The following EIF4A2 variants were observed in gnomAD, a reference collection of about 807,000 sequenced individuals.
The protein encoded by EIF4A2 is eukaryotic translation initiation factor 4A2.
A neutral mutation model predicts 50.6 loss-of-function variants in EIF4A2; 9 were observed. The observed-to-expected ratio is 0.18, with a 90% CI of 0.11 to 0.31. The LOEUF (loss-of-function observed/expected upper bound fraction) is 0.31, where lower values mean the gene tolerates loss of function less well. Ranked by LOEUF, EIF4A2 falls within the 10% of genes least tolerant of loss-of-function variation. The pLI is 1.00. For synonymous variants in EIF4A2, 215 were observed against 164.4 expected, an observed-to-expected ratio of 1.31 and a Z score of -2.35; for missense variants, 182 against 501.8, an observed-to-expected ratio of 0.36 and a Z score of 6.09.
chr3:186,784,077 G>T (rs1301436834), intron 1 of EIF4A2: 7 of 464,060 alleles, frequency 1.5e-5, no homozygotes, highest in Non-Finnish European at 2.7e-5. Flanking sequence ...GAGGCGACGG[G>T]ACAGGACCGG....
intron 1 of EIF4A2, 121 bp from the exon 2 acceptor site, chr3:186,784,311 T>A: frequency 7.0e-7 from 1 of 1,424,154 alleles, no homozygotes; most frequent in Non-Finnish European, 9.8e-7. Context: ...GCCCTGAGGC[T>A]GCTGCTTTAG....
At chr3:186,787,017 CAAAGGGCTGGGATTACAGGCATTAG>C (rs138324811) in intron 7 of EIF4A2, 85 bp from the exon 8 acceptor site, 15,744 of 1,480,212 alleles carry the variant, frequency 0.011, 293 homozygotes, top group East Asian at 0.082. Context: ...GCTAGGATCC[CAAAGGGCTGGGATTACAGGCATTAG>C]CACTGTGGCT....
At chr3:186,785,662 CGTGG>C (rs1721657820) in intron 4 of EIF4A2, 2 of 507,948 alleles carry the variant, frequency 3.9e-6, no homozygotes, top group East Asian at 5.9e-5. Flanking sequence ...CTAGCTGATG[CGTGG>C]AGCAGCAGCA....
In EIF4A2 at chr3:186,787,186, T is replaced by A. The variant is rs1298524489; in HGVS notation, c.831T>A (p.Val277=). ...LYETLTITQA[V]IFLNTRRKVD... The stretch of plus-strand genomic sequence containing the variant: ...AGACACTGACCATTACACAGGCTGT[T>A]ATTTTTCTCAATACGAGGCGCAAGG... Residue 277 remains valine, a synonymous_variant, in exon 8 of 11, where the codon GTT becomes GTA. Coordinates refer to ENST00000323963, the MANE Select transcript of EIF4A2 (RefSeq NM_001967.4). 3 of 1,614,152 alleles carry A rather than the reference T, an allele frequency of 1.9e-6. No homozygotes were observed. Among genetic ancestry groups the A allele is most frequent in the Non-Finnish European group, 2.5e-6 (3 of 1,179,992 alleles).
In EIF4A2 at chr3:186,789,810, A is replaced by AAATCCCC; in HGVS notation, c.*541_*542insAATCCCC. 1 of 604,116 alleles carries AAATCCCC rather than the reference A, an allele frequency of 1.7e-6. No individual in the cohort carries two copies. The highest frequency in any genetic ancestry group is 2.1e-5 in the South Asian group (1 of 48,542). 37.4% of individuals were successfully genotyped at this position (604,116 alleles called of 1,614,324 possible). A position where few individuals can be genotyped will look rare whatever the true frequency, so the allele number is the denominator to read the frequency against. Reference sequence around the variant, plus strand: ...TTGCTAAGCCCCAGCAAGCAATCCTAGGTAGGGTTTAATCCCCAGTAAAAT... The same window carrying AAATCCCC: ...TTGCTAAGCCCCAGCAAGCAATCCTAAATCCCCGGTAGGGTTTAATCCCCAGTAAAAT... On this transcript the variant is annotated 3_prime_UTR_variant, in exon 11 of 11. Coordinates refer to ENST00000323963, the MANE Select transcript of EIF4A2 (RefSeq NM_001967.4).
chr3:186,789,886 A>G lies in EIF4A2; in HGVS notation c.*617A>G, dbSNP rs569967330. 55 of 852,680 alleles carry G rather than the reference A, an allele frequency of 6.5e-5. No homozygotes were observed. In the African/African-American group the frequency reaches 8.0e-4, roughly 12 times the overall value. The allele number at this position is 852,680 out of a possible 1,614,324, so 52.8% of individuals were successfully genotyped here. A position where few individuals can be genotyped will look rare whatever the true frequency, so the allele number is the denominator to read the frequency against. ...AGTTTGAATGTTAAATAAATTGTAT[A>G]TTCACTTTAAAGGTGCTTTTGGTCA... is the stretch of plus-strand genomic sequence containing the variant. On this transcript the variant is annotated 3_prime_UTR_variant, in exon 11 of 11. Coordinates refer to ENST00000323963, the MANE Select transcript of EIF4A2 (RefSeq NM_001967.4).
intron 1 of EIF4A2, 143 bp from the exon 2 acceptor site, chr3:186,784,289 G>GT: frequency 8.2e-7 from 1 of 1,218,550 alleles, no homozygotes; most frequent in Non-Finnish European, 1.2e-6. Context: ...AAGGCGCACA[G>GT]TGTGGATATT....
intron 10 of EIF4A2, 163 bp from the exon 11 acceptor site, chr3:186,788,962 G>A (rs955747918): frequency 1.2e-5 from 12 of 1,026,482 alleles, no homozygotes; most frequent in Non-Finnish European, 1.5e-5. Context: ...TGCAAAGGAA[G>A]ATTTTTTTCT....
rs192826895 is a variant in EIF4A2, at chr3:186,788,924, A to G, written c.1080-201A>G. 3.8e-5 allele frequency: 23 copies of G among 608,800 alleles called. No homozygotes were observed. The Admixed American group carries it at 7.1e-4, about 19-fold the overall frequency. 37.7% of individuals were successfully genotyped at this position (608,800 alleles called of 1,614,324 possible). A position where few individuals can be genotyped will look rare whatever the true frequency, so the allele number is the denominator to read the frequency against. The stretch of plus-strand genomic sequence containing the variant: ...GATAAAAATCTCATTTTGCAGCCAG[A>G]CAAGCCTTGAATCCTTTTGGCACTA... On this transcript the variant is annotated intron_variant, in intron 10 of 10. Coordinates refer to ENST00000323963, the MANE Select transcript of EIF4A2 (RefSeq NM_001967.4).
rs756744900 is a variant in EIF4A2 at position 186,785,865 on chromosome 3, T to C, written c.349-18T>C. 7 of 1,581,200 alleles carry C rather than the reference T, an allele frequency of 4.4e-6. No individual in the cohort carries two copies. The highest frequency in any genetic ancestry group is 3.5e-5 in the Admixed American group (2 of 57,656). ...ATCCTGGAGTTCTGCGGAATAATAA[T>C]TAAGGCTTGGGTTTTAGATCCAAAA... On this transcript the variant is annotated intron_variant, in intron 4 of 10. Transcript: ENST00000323963.
intron 4 of EIF4A2, 159 bp downstream of exon 4, chr3:186,785,260 AC>A: frequency 6.8e-6 from 7 of 1,033,976 alleles, no homozygotes; most frequent in Non-Finnish European, 9.7e-6. Context: ...TTTTAAAAGA[AC>A]TGGGTATGCA....
At position 186,783,580 on chromosome 3, in the gene EIF4A2, T is replaced by C. The variant is rs773884804; in HGVS notation, c.-31T>C. Reference sequence around the variant, plus strand: ...ACGGGTGGTTGGGCGCCGCTGTCTTTTCAGTCGGGCGCTGAGTGGTTTTTC... The same window carrying C: ...ACGGGTGGTTGGGCGCCGCTGTCTTCTCAGTCGGGCGCTGAGTGGTTTTTC... On this transcript the variant is annotated 5_prime_UTR_variant, in exon 1 of 11. Transcript: ENST00000323963. The C allele has an allele frequency of 7.4e-6, 12 of 1,614,086 alleles. No homozygotes were observed. Among genetic ancestry groups the C allele is most frequent in the Middle Eastern group, 1.6e-4 (1 of 6,080 alleles).
intron 1 of EIF4A2, 143 bp from the exon 2 acceptor site, chr3:186,784,289 G>A: frequency 8.2e-7 from 1 of 1,218,550 alleles, no homozygotes; most frequent in East Asian, 2.4e-5. Flanking sequence ...AAGGCGCACA[G>A]TGTGGATATT....
chr3:186,785,777 A>C, intron 4 of EIF4A2, 106 bp from the exon 5 acceptor site: 1 of 1,403,404 alleles, frequency 7.1e-7, no homozygotes, highest in Non-Finnish European at 9.6e-7. Flanking sequence ...TGTGCTGTGC[A>C]TGCATAAAAG....
At position 186,786,996 on chromosome 3, in the gene EIF4A2, G is replaced by A. The variant is rs533235495; in HGVS notation, c.772-131G>A. ...GAAACCCTGGTCTGGTTGGAACTCT[G>A]GGCTCTAAGTGCTAGGATCCCAAAG... On this transcript the variant is annotated intron_variant, in intron 7 of 10. Coordinates refer to ENST00000323963, the MANE Select transcript of EIF4A2 (RefSeq NM_001967.4). 3 of 1,338,468 alleles carry A rather than the reference G, an allele frequency of 2.2e-6. No individual in the cohort carries two copies. The East Asian group carries it at 6.9e-5, about 31-fold the overall frequency. The allele number at this position is 1,338,468 out of a possible 1,614,324, so 82.9% of individuals were successfully genotyped here.
chr3:186,785,641 T>C (rs757927015), intron 4 of EIF4A2: 9 of 477,012 alleles, frequency 1.9e-5, no homozygotes, highest in Non-Finnish European at 3.0e-5. Context: ...GAAACGTTAT[T>C]CTTGGATTGT....
At chr3:186,786,686 T>G (rs1344604555) in intron 7 of EIF4A2, 41 bp downstream of exon 7, 1 of 1,611,554 alleles carries the variant, frequency 6.2e-7, no homozygotes, top group African/African-American at 1.4e-5. Flanking sequence ...CCTTCTTGTA[T>G]AAGCACTGTG....
chr3:186,788,429 ATTTG>A (rs1457172934), intron 10 of EIF4A2: 6 of 1,240,846 alleles, frequency 4.8e-6, no homozygotes, highest in African/African-American at 1.6e-5. Flanking sequence ...CGGTATTTAT[ATTTG>A]TTTTTCTTTT....
At position 186,787,591 on chromosome 3, in the gene EIF4A2, C is replaced by G; in HGVS notation, c.999+7C>G. ...GATCACTACTGACTTGTTGGTAAGTCTCTTAATGCTTTTTAAAAATCTACC... is the reference window on the plus strand; with the variant it reads ...GATCACTACTGACTTGTTGGTAAGTGTCTTAATGCTTTTTAAAAATCTACC... On this transcript the variant is annotated splice_region_variant and intron_variant, in intron 9 of 10. Transcript: ENST00000323963. The G allele has an allele frequency of 6.2e-7, 1 of 1,613,920 alleles. No homozygotes were observed. The highest frequency in any genetic ancestry group is 8.5e-7 in the Non-Finnish European group (1 of 1,179,900).
Sources: gnomAD v4.1 joint callset for allele counts on GRCh38, gnomAD v4.1.1 for gene constraint, MANE v1.5 for transcripts, NCBI Gene and HGNC (gene_info 2026-07-23, HGNC 2026-07-21) for gene names.